SLA: variants seen among roughly 807,000 people sequenced by gnomAD.
SLA encodes src-like-adapter.
In SLA, 16 loss-of-function variants were observed where a neutral mutation model predicts 30.3. The ratio of observed to expected loss-of-function variants is 0.53; its 90% CI spans 0.36 to 0.80. The LOEUF is 0.80. SLA is among the 30% of genes least tolerant of loss of function. SLA has a pLI of 0.01. For synonymous variants in SLA, 143 were observed against 137.8 expected, an observed-to-expected ratio of 1.04 and a Z score of -0.26; for missense variants, 310 against 345.2, an observed-to-expected ratio of 0.90 and a Z score of 0.81.
intron 3 of SLA, among the ~76,000 whole-genome samples, chr8:133,055,824 C>CCAGCAG (rs36210010): frequency 9.5e-4 from 144 of 150,882 alleles, no homozygotes; most frequent in Non-Finnish European, 1.2e-3. Flanking sequence ...CTCCTCATCA[C>CCAGCAG]CAGCAGCAGC....
Position 133,049,978 on chromosome 8 carries a change from A to G in SLA, c.172T>C (p.Trp58Arg). 6.2e-7 allele frequency: 1 copy of G among 1,611,782 alleles called. No individual in the cohort carries two copies. Residue 58 changes from tryptophan (W) to arginine (R), a missense_variant, in exon 5 of 9, where the codon TGG becomes CGG. Trp to Arg is a moderately radical substitution (Grantham distance 101). Transcript: ENST00000338087. ...GTGCTAAGAGAAATAGCTTTCCACC[A>G]GCCCCCTTCACTGTAAGAACAAGAA... is the stretch of plus-strand genomic sequence containing the variant. ...KLRVISDEGGWWKAISLSTGR... is the reference protein window; with the variant it reads ...KLRVISDEGGRWKAISLSTGR...
chr8:133,095,306 C>G, intron 1 of SLA: 1 of 1,540,400 alleles, frequency 6.5e-7, no homozygotes, highest in South Asian at 1.1e-5. Context: ...CCCAGCCATA[C>G]CACACATGAG....
chr8:133,081,953 A>G (rs1248783041), intron 1 of SLA, among the ~76,000 whole-genome samples: 1 of 152,210 alleles, frequency 6.6e-6, no homozygotes, highest in East Asian at 1.9e-4. Context: ...CAGGCATCTC[A>G]TTTCTAAGCA....
chr8:133,057,593 C>G (rs139732236), intron 3 of SLA, among the ~76,000 whole-genome samples: 291 of 152,216 alleles, frequency 1.9e-3, no homozygotes, highest in African/African-American at 6.8e-3. Context: ...GCCCGAGTGA[C>G]TCACCTAAAG....
chr8:133,038,843 A>G (rs1239627584), intron 8 of SLA, 106 bp from the exon 9 acceptor site: 1 of 663,942 alleles, frequency 1.5e-6, no homozygotes, highest in African/African-American at 1.8e-5. Context: ...AAGAAAAACA[A>G]AAATCCTGGT....
At position 133,049,737 on chromosome 8, in the gene SLA, A is replaced by T; in HGVS notation, c.248+165T>A. 6.5e-6 allele frequency: 4 copies of T among 617,816 alleles called. No homozygotes were observed. In the South Asian group the frequency reaches 7.5e-5, roughly 12 times the overall value. The allele number at this position is 617,816 out of a possible 1,614,324, so 38.3% of individuals were successfully genotyped here. ...TCCCAGAGAGCAGAAGAGATAAGTT[A>T]GCCCAAGGTTGCTCCTTTCCTTATT... On this transcript the variant is annotated intron_variant, in intron 5 of 8. Coordinates refer to ENST00000338087, the MANE Select transcript of SLA (RefSeq NM_001045556.3).
chr8:133,041,084 G>A (rs931339208), intron 7 of SLA, among the ~76,000 whole-genome samples: 3 of 152,316 alleles, frequency 2.0e-5, no homozygotes, highest in Non-Finnish European at 4.4e-5. Context: ...TAGAGATTGA[G>A]GAAATTCTGC....
Position 133,102,579 on chromosome 8 carries a change from T to G in SLA, c.-345A>C, listed in dbSNP as rs1263916294. On this transcript the variant is annotated 5_prime_UTR_variant, in exon 1 of 9. Transcript: ENST00000338087. ...GGTGGAGCATCAGGGCTGCCTGAGA[T>G]GTTCTCCATTCGCAGCAAATGATCT... 26 of 1,551,288 alleles carry G rather than the reference T, an allele frequency of 1.7e-5. No individual in the cohort carries two copies. Among genetic ancestry groups the G allele is most frequent in the Non-Finnish European group, 2.1e-5 (24 of 1,146,710 alleles).
chr8:133,067,715 G>T (rs2131388463), intron 2 of SLA, among the ~76,000 whole-genome samples: 1 of 152,152 alleles, frequency 6.6e-6, no homozygotes, highest in South Asian at 2.1e-4. Context: ...GGCAGAGGCT[G>T]CAGTAAGCTG....
At position 133,045,070 on chromosome 8, in the gene SLA, C is replaced by T. The variant is rs745463507; in HGVS notation, c.398G>A (p.Arg133His). ...CCAGTTGTTGGGCAGACGGAAAATG[C>T]GGTAATGCTTTACCTGCCTGTGTCT... ...SVRHRQVKHY[R>H]IFRLPNNWYY... is the part of the protein sequence containing the mutation. Residue 133 changes from arginine to histidine, a missense_variant, in exon 7 of 9, where the codon CGC (arginine) becomes CAC (histidine). Transcript: ENST00000338087. The T allele has an allele frequency of 8.1e-6, 13 of 1,613,968 alleles. No homozygotes were observed. Among genetic ancestry groups the T allele is most frequent in the Admixed American group, 3.3e-5 (2 of 60,000 alleles).
intron 2 of SLA, among the ~76,000 whole-genome samples, chr8:133,061,064 T>C (rs922051612): frequency 6.6e-6 from 1 of 152,190 alleles, no homozygotes; most frequent in East Asian, 1.9e-4. Flanking sequence ...TAGGTTGGAG[T>C]GCAATGGCAC....
At chr8:133,049,215 A>G (rs778961185) in intron 5 of SLA, 2 of 453,728 alleles carry the variant, frequency 4.4e-6, no homozygotes, top group African/African-American at 4.0e-5. Flanking sequence ...TTATTTTCTT[A>G]TCTGTTGAGC....
At chr8:133,070,589 G>C (rs1418653151) in intron 2 of SLA, among the ~76,000 whole-genome samples, 1 of 152,292 alleles carries the variant, frequency 6.6e-6, no homozygotes, top group African/African-American at 2.4e-5. Context: ...TCTCAGAGAG[G>C]TAAGTAATTT....
In SLA at chr8:133,074,994, C is replaced by G; in HGVS notation, c.-182G>C. 1.0e-6 allele frequency: 1 copy of G among 985,440 alleles called. No individual in the cohort carries two copies. Among genetic ancestry groups the G allele is most frequent in the Non-Finnish European group, 1.2e-6 (1 of 829,962 alleles). 61.0% of individuals were successfully genotyped at this position (985,440 alleles called of 1,614,324 possible). ...CTTCTCGCGGTTGTGGAGAAGCAGC[C>G]CATGCTACACAGAAGAACTGCAGTT... On this transcript the variant is annotated 5_prime_UTR_variant, in exon 2 of 9. Transcript: ENST00000338087.
rs540237807 is a variant in SLA at position 133,082,404 on chromosome 8, A to C, written c.-318-7274T>G. On this transcript the variant is annotated intron_variant, in intron 1 of 8. Coordinates refer to ENST00000338087, the MANE Select transcript of SLA (RefSeq NM_001045556.3). Reference sequence around the variant, plus strand: ...AGACAGGGAGCAAGTTAAGAAAAAAATCTTTCCCTCCTTGTAGATTGCAAA... The same window carrying C: ...AGACAGGGAGCAAGTTAAGAAAAAACTCTTTCCCTCCTTGTAGATTGCAAA... Among the ~76,000 whole-genome samples the C allele has an allele frequency of 1.9e-3, 296 of 152,224 alleles. 3 individuals carry two copies. Among genetic ancestry groups the C allele is most frequent in the Non-Finnish European group, 3.1e-3 (213 of 68,018 alleles).
chr8:133,049,776 G>A, intron 5 of SLA, 126 bp downstream of exon 5: 1 of 722,490 alleles, frequency 1.4e-6, no homozygotes, highest in Non-Finnish European at 2.5e-6. Flanking sequence ...TGGGTTGGGA[G>A]CAGGACTATC....
rs112647448 is a variant in SLA at position 133,046,650 on chromosome 8, C to G, written c.352+1180G>C. On this transcript the variant is annotated intron_variant, in intron 6 of 8. Transcript: ENST00000338087. Reference sequence around the variant, plus strand: ...TTACGACACCCACCCTGGGTTCTTCCTCCCTTTGGCCAGGCCAGCTTAGGA... The same window carrying G: ...TTACGACACCCACCCTGGGTTCTTCGTCCCTTTGGCCAGGCCAGCTTAGGA... 3.3e-5 allele frequency: 5 copies of G among 152,366 alleles called. No individual in the cohort carries two copies. In the East Asian group the frequency reaches 9.6e-4, roughly 29 times the overall value. 9.4% of individuals were successfully genotyped at this position (152,366 alleles called of 1,614,324 possible).
intron 3 of SLA, among the ~76,000 whole-genome samples, chr8:133,055,815 T>C (rs186405601): frequency 0.014 from 2,008 of 147,980 alleles, 21 homozygotes; most frequent in Middle Eastern, 0.024. Flanking sequence ...TTCCTCCCCC[T>C]CCTCATCACC....
intron 1 of SLA, among the ~76,000 whole-genome samples, chr8:133,085,822 A>G (rs560586259): frequency 2.6e-5 from 4 of 152,340 alleles, no homozygotes; most frequent in African/African-American, 9.6e-5. Context: ...ACTTCTCAGA[A>G]GGTTCAACAC....
Sources: gnomAD v4.1 joint callset for allele counts (sites outside exome capture counted in the v4.1 genomes callset) on GRCh38, gnomAD v4.1.1 for gene constraint, MANE v1.5 for transcripts, NCBI Gene and HGNC (gene_info 2026-07-23, HGNC 2026-07-21) for gene names.